NCAM2: variants seen among roughly 807,000 people sequenced by gnomAD.
NCAM2 encodes the protein neural cell adhesion molecule 2.
Under a neutral mutation model 98.1 loss-of-function variants are expected in NCAM2, and 30 were observed. That is an observed-to-expected ratio of 0.31 (90% confidence interval 0.23 to 0.41). The LOEUF is 0.41. NCAM2 is among the 10% of genes least tolerant of loss of function. NCAM2 has a pLI of 1.00. For synonymous variants in NCAM2, 368 were observed against 342.4 expected (o/e 1.07, Z -0.83); for missense variants, 867 against 1,005.8 (o/e 0.86, Z 1.87).
chr21:21,268,198 G>A (rs915746316), intron 1 of NCAM2, among the ~76,000 whole-genome samples: 1 of 152,062 alleles, frequency 6.6e-6, no homozygotes, highest in Non-Finnish European at 1.5e-5. Context: ...AGGATTTTTC[G>A]GAGTTCAGCT....
At position 21,304,344 on chromosome 21, in the gene NCAM2, G is replaced by C. The variant is rs552427112; in HGVS notation, c.619+12103G>C. Among the ~76,000 whole-genome samples, 8 of 150,686 alleles carry C rather than the reference G, an allele frequency of 5.3e-5. No individual in the cohort carries two copies. The East Asian group carries it at 1.4e-3, about 26-fold the overall frequency. ...GTTTGTTGTATTTTTTTTTTGGCAT[G>C]TGAATGTCCGATTTTTCATCATTGG... On this transcript the variant is annotated intron_variant, in intron 5 of 17. Coordinates refer to ENST00000400546, the MANE Select transcript of NCAM2 (RefSeq NM_004540.5).
intron 6 of NCAM2, among the ~76,000 whole-genome samples, chr21:21,325,834 A>C (rs997343195): frequency 6.6e-6 from 1 of 152,198 alleles, no homozygotes; most frequent in Non-Finnish European, 1.5e-5. Flanking sequence ...ATTGAACAAC[A>C]AACATGAGCT....
rs1030334233 is a variant in NCAM2, at chr21:21,540,698, A to T, written c.*2741A>T. The T allele has an allele frequency of 6.6e-6, 1 of 152,022 alleles. No homozygotes were observed. The highest frequency in any genetic ancestry group is 6.6e-5 in the Admixed American group (1 of 15,228). The allele number at this position is 152,022 out of a possible 1,614,324, so 9.4% of individuals were successfully genotyped here. ...TATAAAGTGTCAAAAGAATTGACTG[A>T]ATATAAGTACTGTTAAAATAATTTG... On this transcript the variant is annotated 3_prime_UTR_variant, in exon 18 of 18. Transcript: ENST00000400546.
At chr21:21,023,208 G>A (rs1459925267) in intron 1 of NCAM2, among the ~76,000 whole-genome samples, 2 of 152,146 alleles carry the variant, frequency 1.3e-5, no homozygotes, top group African/African-American at 4.8e-5. Context: ...TATGAAATGA[G>A]GTAACTGTAC....
intron 1 of NCAM2, among the ~76,000 whole-genome samples, chr21:21,250,462 T>C (rs2071429722): frequency 6.6e-6 from 1 of 152,150 alleles, no homozygotes; most frequent in Non-Finnish European, 1.5e-5. Context: ...CATAAAAATA[T>C]GATTAGGCTA....
chr21:21,133,838 G>A (rs1425169377), intron 1 of NCAM2, among the ~76,000 whole-genome samples: 1 of 152,100 alleles, frequency 6.6e-6, no homozygotes, highest in East Asian at 1.9e-4. Context: ...GGAGGAATAG[G>A]AACAGGATAC....
chr21:21,154,120 G>A (rs1273090876), intron 1 of NCAM2, among the ~76,000 whole-genome samples: 1 of 151,584 alleles, frequency 6.6e-6, no homozygotes, highest in Admixed American at 6.6e-5. Flanking sequence ...TTAAATTATG[G>A]GTTTCCACGA....
At chr21:21,250,768 C>A (rs559452072) in intron 1 of NCAM2, among the ~76,000 whole-genome samples, 1 of 152,154 alleles carries the variant, frequency 6.6e-6, no homozygotes, top group East Asian at 1.9e-4. Flanking sequence ...ACTTTCACTT[C>A]ATTATGAATA....
At chr21:21,438,558 G>C (rs188843116) in intron 12 of NCAM2, among the ~76,000 whole-genome samples, 1 of 152,248 alleles carries the variant, frequency 6.6e-6, no homozygotes, top group African/African-American at 2.4e-5. Flanking sequence ...GAACTATAGA[G>C]ATATAGAATG....
intron 8 of NCAM2, among the ~76,000 whole-genome samples, chr21:21,370,584 A>G (rs1398456499): frequency 2.6e-5 from 4 of 151,600 alleles, no homozygotes; most frequent in Non-Finnish European, 5.9e-5. Flanking sequence ...AGAACCCAGC[A>G]AAGTGTCTAT....
intron 5 of NCAM2, among the ~76,000 whole-genome samples, chr21:21,306,775 A>C (rs2073892054): frequency 6.6e-6 from 1 of 152,152 alleles, no homozygotes; most frequent in Non-Finnish European, 1.5e-5. Context: ...TATGGTATCA[A>C]ATAGTAAGTC....
At chr21:21,197,974 C>G (rs1415622329) in intron 1 of NCAM2, among the ~76,000 whole-genome samples, 4 of 152,158 alleles carry the variant, frequency 2.6e-5, no homozygotes, top group Non-Finnish European at 5.9e-5. Flanking sequence ...CCAGTGGTCT[C>G]CATGCCTGTC....
intron 1 of NCAM2, among the ~76,000 whole-genome samples, chr21:21,245,447 G>A (rs1255116003): frequency 2.0e-5 from 3 of 152,102 alleles, no homozygotes; most frequent in Admixed American, 6.5e-5. Flanking sequence ...ATCAGTTTTC[G>A]CTGTCCTTGG....
chr21:21,139,378 T>C (rs944552729), intron 1 of NCAM2, among the ~76,000 whole-genome samples: 2 of 152,244 alleles, frequency 1.3e-5, no homozygotes, highest in Admixed American at 6.5e-5. Flanking sequence ...GCCATCAGGT[T>C]TGTGGTAATT....
chr21:21,234,463 A>G (rs115153862), intron 1 of NCAM2, among the ~76,000 whole-genome samples: 1 of 151,982 alleles, frequency 6.6e-6, no homozygotes, highest in Admixed American at 6.6e-5. Flanking sequence ...GGAAATATGC[A>G]TAGGAAAGAA....
At chr21:21,344,144 G>A (rs1046948063) in intron 8 of NCAM2, among the ~76,000 whole-genome samples, 2 of 152,194 alleles carry the variant, frequency 1.3e-5, no homozygotes, top group African/African-American at 2.4e-5. Flanking sequence ...CTCTGGGCCA[G>A]ATGAGAACAC....
At chr21:21,210,668 A>G in intron 1 of NCAM2, 1 of 1,275,406 alleles carries the variant, frequency 7.8e-7, no homozygotes, top group Non-Finnish European at 1.0e-6. Context: ...GAAGAAGGGC[A>G]ACCAGAGACT....
At chr21:21,245,951 A>C (rs2071252759) in intron 1 of NCAM2, among the ~76,000 whole-genome samples, 1 of 152,202 alleles carries the variant, frequency 6.6e-6, no homozygotes, top group African/African-American at 2.4e-5. Flanking sequence ...TATGTCCATA[A>C]ATTTTGGATA....
intron 1 of NCAM2, among the ~76,000 whole-genome samples, chr21:21,075,753 A>G (rs2065667906): frequency 6.6e-6 from 1 of 152,202 alleles, no homozygotes; most frequent in Non-Finnish European, 1.5e-5. Flanking sequence ...GGGTATGTCG[A>G]AATAAACATA....
Sources: gnomAD v4.1 joint callset for allele counts (sites outside exome capture counted in the v4.1 genomes callset) on GRCh38, gnomAD v4.1.1 for gene constraint, MANE v1.5 for transcripts, NCBI Gene and HGNC (gene_info 2026-07-23, HGNC 2026-07-21) for gene names.